Variants in SCLT1 observed in about 807,000 individuals in gnomAD.
The protein encoded by SCLT1 is sodium channel and clathrin linker 1.
In SCLT1, 78 loss-of-function variants were observed where a neutral mutation model predicts 112.8. The ratio of observed to expected loss-of-function variants is 0.69; its 90% CI spans 0.58 to 0.83. The LOEUF is 0.83. Ranked by LOEUF, SCLT1 falls within the 40% of genes least tolerant of loss-of-function variation. SCLT1 has a pLI of 0.00. For missense variants in SCLT1, 747 were observed against 770.4 expected, an observed-to-expected ratio of 0.97 and a Z score of 0.36; for synonymous variants, 257 against 254.7, an observed-to-expected ratio of 1.01 and a Z score of -0.09.
intron 5 of SCLT1, among the ~76,000 whole-genome samples, chr4:129,011,741 A>C (rs1744537967): frequency 6.6e-6 from 1 of 152,046 alleles, no homozygotes; most frequent in African/African-American, 2.4e-5. Flanking sequence ...TCAGTAATTC[A>C]ATTTCCTCCT....
intron 18 of SCLT1, among the ~76,000 whole-genome samples, chr4:128,935,615 T>C (rs190904746): frequency 4.6e-5 from 7 of 152,206 alleles, no homozygotes; most frequent in Admixed American, 3.9e-4. Flanking sequence ...GTAAGTTGCT[T>C]AGAAAAATGC....
At chr4:128,917,820 G>A (rs187468451) in intron 18 of SCLT1, among the ~76,000 whole-genome samples, 256 of 152,146 alleles carry the variant, frequency 1.7e-3, no homozygotes, top group Admixed American at 5.4e-3. Context: ...TGCACACTTG[G>A]GATCTGACCC....
At chr4:129,037,900 A>C (rs1361413216) in intron 5 of SCLT1, 1 of 152,236 alleles carries the variant, frequency 6.6e-6, no homozygotes. Flanking sequence ...TGGGAGGCTG[A>C]GGCGGGCAGA....
intron 20 of SCLT1, among the ~76,000 whole-genome samples, chr4:128,886,905 C>T (rs1732934609): frequency 6.6e-6 from 1 of 152,100 alleles, no homozygotes; most frequent in African/African-American, 2.4e-5. Flanking sequence ...TAGACGTTTT[C>T]TTTGCCATTT....
At chr4:128,959,921 C>T in intron 11 of SCLT1, 144 bp from the exon 12 acceptor site, 1 of 643,430 alleles carries the variant, frequency 1.6e-6, no homozygotes, top group Non-Finnish European at 2.7e-6. Flanking sequence ...CATTACCCTT[C>T]TATAAAGTAG....
At chr4:129,090,866 C>G (rs913017318) in intron 1 of SCLT1, among the ~76,000 whole-genome samples, 6 of 152,016 alleles carry the variant, frequency 3.9e-5, no homozygotes, top group Admixed American at 3.9e-4. Context: ...AGCTGCCTGT[C>G]GTTATGATAT....
chr4:128,956,036 C>T (rs1739188190), intron 13 of SCLT1, among the ~76,000 whole-genome samples: 1 of 152,128 alleles, frequency 6.6e-6, no homozygotes, highest in Non-Finnish European at 1.5e-5. Flanking sequence ...TGTTGAGTTT[C>T]AGATGCCTGG....
intron 2 of SCLT1, among the ~76,000 whole-genome samples, chr4:129,077,385 T>C (rs1751558671): frequency 6.6e-6 from 1 of 152,178 alleles, no homozygotes. Context: ...TGTAAGGACT[T>C]TAGGACTTTA....
intron 2 of SCLT1, among the ~76,000 whole-genome samples, chr4:129,044,526 T>A (rs1028594527): frequency 4.6e-5 from 7 of 151,072 alleles, no homozygotes; most frequent in Non-Finnish European, 8.9e-5. Context: ...TCAAAAAAAA[T>A]CCTATTCACT....
At chr4:128,948,350 A>G in intron 15 of SCLT1, 146 bp downstream of exon 15, 2 of 1,026,516 alleles carry the variant, frequency 1.9e-6, no homozygotes, top group Admixed American at 3.5e-5. Flanking sequence ...AAAAAAAAAA[A>G]AAAAAAAAAG....
chr4:128,958,160 C>T (rs1426469896), intron 12 of SCLT1, among the ~76,000 whole-genome samples: 1 of 152,176 alleles, frequency 6.6e-6, no homozygotes, highest in Non-Finnish European at 1.5e-5. Flanking sequence ...ATGTAAATGG[C>T]CCTGTGTTCT....
At chr4:128,954,026 AGAGT>A (rs1448289409) in intron 13 of SCLT1, among the ~76,000 whole-genome samples, 7 of 152,118 alleles carry the variant, frequency 4.6e-5, no homozygotes, top group Non-Finnish European at 2.9e-5. Flanking sequence ...AGCATTTTGA[AGAGT>A]TAGTCACATC....
intron 9 of SCLT1, chr4:128,970,689 G>A: frequency 2.2e-6 from 1 of 454,744 alleles, no homozygotes; most frequent in Non-Finnish European, 3.9e-6. Context: ...ATGAAGTAGA[G>A]GTCATGAATG....
chr4:129,065,188 C>A (rs1200554823), intron 2 of SCLT1, among the ~76,000 whole-genome samples: 2 of 151,918 alleles, frequency 1.3e-5, no homozygotes, highest in Non-Finnish European at 2.9e-5. Flanking sequence ...ACGGATTTAA[C>A]TCCTTCACTT....
At chr4:129,086,084 G>C (rs982542095) in intron 1 of SCLT1, among the ~76,000 whole-genome samples, 1 of 151,388 alleles carries the variant, frequency 6.6e-6, no homozygotes, top group Non-Finnish European at 1.5e-5. Flanking sequence ...CCCTGACAGA[G>C]TTTTCAATTA....
At chr4:129,092,197 A>C (rs1752893857) in intron 1 of SCLT1, among the ~76,000 whole-genome samples, 1 of 152,244 alleles carries the variant, frequency 6.6e-6, no homozygotes, top group Non-Finnish European at 1.5e-5. Context: ...AGCACAGAGA[A>C]GACAGGGCCC....
intron 3 of SCLT1, among the ~76,000 whole-genome samples, chr4:128,877,755 G>C (rs1732554226): frequency 6.6e-6 from 1 of 151,964 alleles, no homozygotes; most frequent in African/African-American, 2.4e-5. Flanking sequence ...AAATGAATTG[G>C]TAAATTTATT....
intron 2 of SCLT1, among the ~76,000 whole-genome samples, chr4:129,054,325 A>T (rs1275124756): frequency 1.3e-5 from 2 of 152,068 alleles, no homozygotes; most frequent in African/African-American, 4.8e-5. Context: ...GTTCTCCTGG[A>T]TAATATCCTG....
intron 5 of SCLT1, among the ~76,000 whole-genome samples, chr4:129,008,048 T>C (rs1338310189): frequency 6.6e-6 from 1 of 152,170 alleles, no homozygotes; most frequent in African/African-American, 2.4e-5. Context: ...TTCCTAAATG[T>C]ACGGTATTGC....
Sources: allele counts gnomAD v4.1 joint callset (sites outside exome capture counted in the v4.1 genomes callset), GRCh38; gene constraint gnomAD v4.1.1; transcripts MANE v1.5; gene names NCBI Gene and HGNC (gene_info 2026-07-23, HGNC 2026-07-21).